PRKAR2B: variants seen among roughly 807,000 people sequenced by gnomAD.
The protein encoded by PRKAR2B is cAMP-dependent protein kinase type II-beta regulatory subunit.
PRKAR2B carries 14 observed loss-of-function variants against 49.9 expected under a neutral mutation model. The observed-to-expected ratio is 0.28, with a 90% CI of 0.19 to 0.44. The LOEUF (loss-of-function observed/expected upper bound fraction) is 0.44. Ranked by LOEUF, PRKAR2B falls within the 20% of genes least tolerant of loss-of-function variation. The probability of loss-of-function intolerance (pLI) is 1.00; values close to 1 mark genes in which losing one functional copy is unlikely to be tolerated. For missense variants in PRKAR2B, 393 were observed against 537.9 expected, an observed-to-expected ratio of 0.73 and a Z score of 2.67; for synonymous variants, 196 against 197.7, an observed-to-expected ratio of 0.99 and a Z score of 0.07.
chr7:107,104,062 G>T (rs571353879), intron 2 of PRKAR2B, among the ~76,000 whole-genome samples: 6 of 151,430 alleles, frequency 4.0e-5, no homozygotes, highest in African/African-American at 1.5e-4. Context: ...ACGGAGTCTC[G>T]CACTTTTGGT....
chr7:107,045,314 CT>C (rs1793668528), intron 1 of PRKAR2B, 100 bp downstream of exon 1: 1 of 1,028,670 alleles, frequency 9.7e-7, no homozygotes, highest in African/African-American at 1.7e-5. Flanking sequence ...GCACCCACCT[CT>C]CCCCGCATTC....
At chr7:107,065,706 G>C (rs1794124413) in intron 1 of PRKAR2B, among the ~76,000 whole-genome samples, 2 of 152,192 alleles carry the variant, frequency 1.3e-5, no homozygotes, top group African/African-American at 4.8e-5. Context: ...GGGAGAGGGA[G>C]ACTTGCTCTG....
chr7:107,144,976 G>A (rs895052380), intron 5 of PRKAR2B, among the ~76,000 whole-genome samples: 8 of 151,942 alleles, frequency 5.3e-5, no homozygotes, highest in African/African-American at 1.9e-4. Flanking sequence ...TGCAGTTTAC[G>A]TGAATATAGG....
intron 2 of PRKAR2B, chr7:107,091,736 T>C (rs1244676897): frequency 6.6e-6 from 1 of 152,212 alleles, no homozygotes; most frequent in East Asian, 1.9e-4. Context: ...ATTTTGGACT[T>C]CTTGTAGGGC....
At chr7:107,125,026 A>C (rs941214356) in intron 3 of PRKAR2B, among the ~76,000 whole-genome samples, 4 of 152,154 alleles carry the variant, frequency 2.6e-5, no homozygotes, top group Non-Finnish European at 5.9e-5. Context: ...ATGACGCTTG[A>C]ATTTGAATTT....
chr7:107,157,463 C>A, intron 10 of PRKAR2B, 139 bp downstream of exon 10: 1 of 1,102,612 alleles, frequency 9.1e-7, no homozygotes. Flanking sequence ...GGACTCATTG[C>A]CTTATAAAAT....
intron 10 of PRKAR2B, among the ~76,000 whole-genome samples, chr7:107,158,727 T>C (rs1796143612): frequency 6.6e-6 from 1 of 152,220 alleles, no homozygotes. Context: ...CTTGTATTTG[T>C]ACACTACTAG....
chr7:107,098,010 G>A (rs1317726023), intron 2 of PRKAR2B, among the ~76,000 whole-genome samples: 2 of 152,164 alleles, frequency 1.3e-5, no homozygotes, highest in Non-Finnish European at 1.5e-5. Flanking sequence ...TTCTCGAGGA[G>A]TATCTTTGTG....
rs1056421337 is a variant in PRKAR2B at position 107,116,393 on chromosome 7, T to G, written c.344-5559T>G. On this transcript the variant is annotated intron_variant, in intron 2 of 10. Transcript: ENST00000265717. ...GTAGATATCGTCATTGTGGCACTGA[T>G]GTTATCATGATCATTCTATTTCTGT... is the stretch of plus-strand genomic sequence containing the variant. Among the ~76,000 whole-genome samples the G allele has an allele frequency of 4.6e-5, 7 of 152,310 alleles. No homozygotes were observed. The East Asian group carries it at 7.7e-4, about 17-fold the overall frequency.
intron 2 of PRKAR2B, chr7:107,078,027 C>A (rs1378154441): frequency 2.6e-5 from 4 of 152,194 alleles, no homozygotes; most frequent in African/African-American, 9.6e-5. Context: ...CATGACAAAA[C>A]CCTGTCTCTG....
chr7:107,148,826 G>A (rs566272231), intron 6 of PRKAR2B, among the ~76,000 whole-genome samples: 1 of 152,274 alleles, frequency 6.6e-6, no homozygotes, highest in East Asian at 1.9e-4. Flanking sequence ...CATGATCTAC[G>A]TGACTATACT....
chr7:107,142,039 A>G (rs905187334), intron 5 of PRKAR2B, among the ~76,000 whole-genome samples: 3 of 152,146 alleles, frequency 2.0e-5, no homozygotes, highest in Non-Finnish European at 4.4e-5. Context: ...AACAATGATA[A>G]GTGTTCATGA....
chr7:107,104,010 C>T (rs1584430619), intron 2 of PRKAR2B, among the ~76,000 whole-genome samples: 1 of 152,010 alleles, frequency 6.6e-6, no homozygotes, highest in African/African-American at 2.4e-5. Flanking sequence ...GCCATTTTCC[C>T]CACAATGTTT....
At chr7:107,088,332 A>G (rs940511105) in intron 2 of PRKAR2B, among the ~76,000 whole-genome samples, 7 of 152,062 alleles carry the variant, frequency 4.6e-5, no homozygotes, top group Non-Finnish European at 8.8e-5. Context: ...ACCTATTTAC[A>G]TGGTCAGAGA....
At chr7:107,142,536 A>G (rs750200698) in intron 5 of PRKAR2B, among the ~76,000 whole-genome samples, 4 of 152,126 alleles carry the variant, frequency 2.6e-5, no homozygotes, top group African/African-American at 7.2e-5. Flanking sequence ...ACATTTGTAT[A>G]TAGTGTATTC....
At chr7:107,046,069 A>G (rs74437148) in intron 1 of PRKAR2B, among the ~76,000 whole-genome samples, 2 of 152,208 alleles carry the variant, frequency 1.3e-5, no homozygotes, top group East Asian at 3.8e-4. Context: ...AATGAATGGG[A>G]AAGAAAAAGG....
intron 10 of PRKAR2B, 22 bp downstream of exon 10, chr7:107,157,346 G>A (rs774320912): frequency 1.1e-5 from 17 of 1,599,284 alleles, no homozygotes; most frequent in Middle Eastern, 1.7e-4. Flanking sequence ...AACAGTGGGC[G>A]TGCTTCTGCT....
At chr7:107,065,775 C>G (rs922119084) in intron 1 of PRKAR2B, among the ~76,000 whole-genome samples, 1 of 152,164 alleles carries the variant, frequency 6.6e-6, no homozygotes, top group Non-Finnish European at 1.5e-5. Context: ...CTTTATCTGC[C>G]AGGCACTGTG....
chr7:107,050,159 G>T (rs1793774006), intron 1 of PRKAR2B, among the ~76,000 whole-genome samples: 3 of 152,052 alleles, frequency 2.0e-5, no homozygotes. Flanking sequence ...GAAGGGAAAG[G>T]GGGAGGGAGA....
Sources: allele counts gnomAD v4.1 joint callset (sites outside exome capture counted in the v4.1 genomes callset), GRCh38; gene constraint gnomAD v4.1.1; transcripts MANE v1.5; gene names NCBI Gene and HGNC (gene_info 2026-07-23, HGNC 2026-07-21).